CADM2: variants seen among roughly 807,000 people sequenced by gnomAD.
CADM2 encodes cell adhesion molecule 2.
CADM2 carries 12 observed loss-of-function variants against 49.8 expected under a neutral mutation model. The observed-to-expected ratio is 0.24, with a 90% CI of 0.15 to 0.39. The LOEUF (loss-of-function observed/expected upper bound fraction) is 0.39, where lower values mean the gene tolerates loss of function less well. CADM2 is among the 10% of genes least tolerant of loss of function. CADM2 has a pLI of 1.00. For missense variants in CADM2, 378 were observed against 492.3 expected (o/e 0.77, Z 2.20); for synonymous variants, 214 against 175.4 (o/e 1.22, Z -1.74).
At chr3:86,050,707 T>C (rs1737229446) in intron 8 of CADM2, among the ~76,000 whole-genome samples, 1 of 152,180 alleles carries the variant, frequency 6.6e-6, no homozygotes, top group Admixed American at 6.5e-5. Context: ...GGCTTAAGGC[T>C]TGCACCCTCT....
intron 1 of CADM2, among the ~76,000 whole-genome samples, chr3:85,229,397 C>A (rs1163789280): frequency 6.6e-6 from 1 of 152,142 alleles, no homozygotes; most frequent in Non-Finnish European, 1.5e-5. Context: ...AATCTCCCGA[C>A]CCCTTGTGCT....
chr3:86,060,990 T>TAAG, intron 8 of CADM2, among the ~76,000 whole-genome samples: 1 of 150,952 alleles, frequency 6.6e-6, no homozygotes, highest in African/African-American at 2.4e-5. Context: ...TCAATAATAA[T>TAAG]AATAATAATA....
chr3:85,951,143 T>C (rs2108586528), intron 7 of CADM2, among the ~76,000 whole-genome samples: 1 of 151,194 alleles, frequency 6.6e-6, no homozygotes, highest in South Asian at 2.1e-4. Flanking sequence ...ATCTCAATAC[T>C]GAGCAAACTC....
At chr3:85,826,150 CTT>C (rs1315086527) in intron 3 of CADM2, among the ~76,000 whole-genome samples, 1 of 151,976 alleles carries the variant, frequency 6.6e-6, no homozygotes, top group Admixed American at 6.6e-5. Context: ...TTTAAAACAA[CTT>C]TATCATTCTG....
chr3:85,777,980 C>T (rs1429073091), intron 2 of CADM2, among the ~76,000 whole-genome samples: 1 of 152,106 alleles, frequency 6.6e-6, no homozygotes, highest in African/African-American at 2.4e-5. Flanking sequence ...TTGTCTTCAA[C>T]ACCTCGACCA....
intron 8 of CADM2, among the ~76,000 whole-genome samples, chr3:85,989,086 A>G (rs1467119492): frequency 6.6e-6 from 1 of 152,170 alleles, no homozygotes; most frequent in Non-Finnish European, 1.5e-5. Context: ...TCATCTTTTA[A>G]AAATATTAAT....
intron 3 of CADM2, among the ~76,000 whole-genome samples, chr3:85,845,648 T>C (rs1459030902): frequency 6.6e-6 from 1 of 152,142 alleles, no homozygotes. Context: ...AGTTAGATTA[T>C]GTCAGATTAT....
rs529218546 is a variant in CADM2, at chr3:85,102,136, T to C, written c.61+142468T>C. Among the ~76,000 whole-genome samples, 30 of 152,336 alleles carry C rather than the reference T, an allele frequency of 2.0e-4. No homozygotes were observed. In the South Asian group the frequency reaches 6.2e-3, roughly 32 times the overall value. On this transcript the variant is annotated intron_variant, in intron 1 of 9. Coordinates refer to ENST00000383699, the MANE Select transcript of CADM2 (RefSeq NM_001167675.2). ...CTTCCTTGTGATATAAAGCTTAATC[T>C]GGCTCAGAGCTCCAACCCCTGCCAT...
At chr3:85,244,391 A>G (rs1490447100) in intron 1 of CADM2, among the ~76,000 whole-genome samples, 2 of 152,150 alleles carry the variant, frequency 1.3e-5, no homozygotes, top group Admixed American at 1.3e-4. Flanking sequence ...ACTTGTTTAA[A>G]CCAAATATGC....
At chr3:85,699,536 A>G (rs904262573) in intron 1 of CADM2, among the ~76,000 whole-genome samples, 4 of 152,204 alleles carry the variant, frequency 2.6e-5, no homozygotes, top group Non-Finnish European at 5.9e-5. Context: ...GCTTTTCACC[A>G]CATGGAAGCT....
At chr3:85,573,224 C>A (rs1425745375) in intron 1 of CADM2, among the ~76,000 whole-genome samples, 1 of 33,180 alleles carries the variant, frequency 3.0e-5, no homozygotes, top group African/African-American at 8.5e-5. Context: ...GGCAAGGTCT[C>A]GCCTGTTGCC....
In CADM2 at chr3:85,679,774, CTTG is replaced by C. The variant is rs151258196; in HGVS notation, c.62-46743_62-46741del. ...TTATATAATGACTATTAGTAAATCACTTGTTGTCAGCTGGCTTTATTTTGGAAT... is the reference window on the plus strand; with the variant it reads ...TTATATAATGACTATTAGTAAATCACTTGTCAGCTGGCTTTATTTTGGAAT... On this transcript the variant is annotated intron_variant, in intron 1 of 9. Coordinates refer to ENST00000383699, the MANE Select transcript of CADM2 (RefSeq NM_001167675.2). Among the ~76,000 whole-genome samples, 1,012 of 152,214 alleles carry C rather than the reference CTTG, an allele frequency of 6.6e-3. 50 individuals carry two copies. The South Asian group carries it at 0.11, about 16-fold the overall frequency.
chr3:85,133,352 T>C (rs1036343045), intron 1 of CADM2, among the ~76,000 whole-genome samples: 7 of 152,158 alleles, frequency 4.6e-5, no homozygotes, highest in African/African-American at 1.7e-4. Flanking sequence ...AGGGCACTGA[T>C]TGGTGCGTTT....
Position 85,721,878 on chromosome 3 carries a change from C to G in CADM2, c.62-4644C>G, listed in dbSNP as rs374630704. 2.0e-5 allele frequency among the ~76,000 whole-genome samples: 3 copies of G among 152,318 alleles called. No individual in the cohort carries two copies. In the East Asian group the frequency reaches 5.8e-4, roughly 29 times the overall value. ...CTCTTTTAGCCTCATTTGTTGGGTA[C>G]TGAATTCTTGCTCCACACCCAGGAA... On this transcript the variant is annotated intron_variant, in intron 1 of 9. Coordinates refer to ENST00000383699, the MANE Select transcript of CADM2 (RefSeq NM_001167675.2).
At chr3:85,532,421 T>C (rs969433152) in intron 1 of CADM2, among the ~76,000 whole-genome samples, 2 of 152,222 alleles carry the variant, frequency 1.3e-5, no homozygotes, top group African/African-American at 4.8e-5. Flanking sequence ...TTTAATTGTA[T>C]TTCACACAGT....
chr3:85,931,053 C>A (rs778459363), intron 6 of CADM2, among the ~76,000 whole-genome samples: 26 of 151,916 alleles, frequency 1.7e-4, no homozygotes, highest in Non-Finnish European at 3.1e-4. Flanking sequence ...GAATAGTATA[C>A]CAAAATGATG....
chr3:85,889,813 C>G (rs1350778205), intron 5 of CADM2, among the ~76,000 whole-genome samples: 2 of 152,018 alleles, frequency 1.3e-5, no homozygotes, highest in Admixed American at 1.3e-4. Flanking sequence ...ATATTCCACC[C>G]AAGCTTTCAC....
intron 6 of CADM2, among the ~76,000 whole-genome samples, chr3:85,931,985 G>T (rs1357877404): frequency 6.6e-6 from 1 of 151,482 alleles, no homozygotes; most frequent in Non-Finnish European, 1.5e-5. Context: ...TAAGTAGTAA[G>T]TTGATGTGAT....
intron 8 of CADM2, among the ~76,000 whole-genome samples, chr3:85,976,619 A>C (rs969718395): frequency 2.6e-5 from 4 of 151,618 alleles, no homozygotes; most frequent in African/African-American, 9.7e-5. Flanking sequence ...ATAGAACAAA[A>C]TGAAGCTAGT....
Sources: gnomAD v4.1 joint callset for allele counts (sites outside exome capture counted in the v4.1 genomes callset) on GRCh38, gnomAD v4.1.1 for gene constraint, MANE v1.5 for transcripts, NCBI Gene and HGNC (gene_info 2026-07-23, HGNC 2026-07-21) for gene names.